Variants in TMEM108 observed in about 807,000 individuals in gnomAD.
TMEM108 encodes the protein transmembrane protein 108, also known as cancer/testis antigen 124.
A neutral mutation model predicts 35.1 loss-of-function variants in TMEM108; 12 were observed. The observed-to-expected ratio is 0.34, with a 90% confidence interval of 0.22 to 0.55. The LOEUF (loss-of-function observed/expected upper bound fraction) is 0.55, where lower values mean the gene tolerates loss of function less well. Among genes scored for constraint, TMEM108 ranks in the 20% least tolerant of loss-of-function variants. The pLI, the probability that TMEM108 is intolerant of heterozygous loss-of-function variation, is 0.89. For synonymous variants in TMEM108, 287 were observed against 308.6 expected (o/e 0.93, Z 0.73); for missense variants, 680 against 753.3 (o/e 0.90, Z 1.14).
chr3:133,264,483 C>T (rs1946669643), intron 3 of TMEM108, among the ~76,000 whole-genome samples: 1 of 152,184 alleles, frequency 6.6e-6, no homozygotes, highest in Non-Finnish European at 1.5e-5. Flanking sequence ...ATATTCTCAG[C>T]AAGAAGCCAA....
intron 2 of TMEM108, among the ~76,000 whole-genome samples, chr3:133,084,663 TC>T (rs1440245863): frequency 6.6e-6 from 1 of 152,188 alleles, no homozygotes; most frequent in African/African-American, 2.4e-5. Context: ...CAGGCACTGT[TC>T]CAAGCACTTC....
intron 2 of TMEM108, among the ~76,000 whole-genome samples, chr3:133,051,492 A>G (rs1002027028): frequency 6.6e-6 from 1 of 152,096 alleles, no homozygotes. Flanking sequence ...CTGATGTTTC[A>G]GAGAACAGAC....
intron 2 of TMEM108, among the ~76,000 whole-genome samples, chr3:133,170,021 A>G (rs1367122786): frequency 1.3e-5 from 2 of 152,204 alleles, no homozygotes; most frequent in African/African-American, 4.8e-5. Context: ...ATGTTAACAG[A>G]GAGATAAGGA....
At chr3:133,190,642 G>T (rs1304648434) in intron 2 of TMEM108, among the ~76,000 whole-genome samples, 1 of 152,162 alleles carries the variant, frequency 6.6e-6, no homozygotes, top group Non-Finnish European at 1.5e-5. Context: ...GAGCTGTGGA[G>T]AAATCACTTG....
chr3:133,216,132 G>C (rs1012835436), intron 2 of TMEM108, among the ~76,000 whole-genome samples: 5 of 151,936 alleles, frequency 3.3e-5, no homozygotes, highest in Non-Finnish European at 7.4e-5. Context: ...GTCATTTCAA[G>C]TCAATCTGCA....
chr3:133,227,110 G>A (rs1019271722), intron 2 of TMEM108, among the ~76,000 whole-genome samples: 1 of 151,870 alleles, frequency 6.6e-6, no homozygotes, highest in Non-Finnish European at 1.5e-5. Context: ...GATGAGATTT[G>A]GGTGGGGACA....
chr3:133,179,611 A>T (rs932998284), intron 2 of TMEM108, among the ~76,000 whole-genome samples: 5 of 151,864 alleles, frequency 3.3e-5, no homozygotes, highest in African/African-American at 1.2e-4. Context: ...AACAATGAGA[A>T]CACATGGACA....
intron 3 of TMEM108, among the ~76,000 whole-genome samples, chr3:133,331,264 TG>T (rs1181699546): frequency 2.0e-5 from 3 of 152,180 alleles, no homozygotes; most frequent in African/African-American, 7.2e-5. Context: ...GGTGGTTGAT[TG>T]GTTTGGAGAC....
Position 133,122,713 on chromosome 3 carries a change from A to G in TMEM108, c.-47+76693A>G, listed in dbSNP as rs552752118. Among the ~76,000 whole-genome samples, 3 of 152,102 alleles carry G rather than the reference A, an allele frequency of 2.0e-5. No homozygotes were observed. In the East Asian group the frequency reaches 5.8e-4, roughly 29 times the overall value. On this transcript the variant is annotated intron_variant, in intron 2 of 5. Coordinates refer to ENST00000321871, the MANE Select transcript of TMEM108 (RefSeq NM_023943.4). ...CCCGTCTCTACTAAAAATACAAAAA[A>G]TTAGCTCGGTGTGGTTGCAGGTGCC... is the stretch of plus-strand genomic sequence containing the variant.
chr3:133,216,722 C>T (rs1034895597), intron 2 of TMEM108, among the ~76,000 whole-genome samples: 2 of 151,904 alleles, frequency 1.3e-5, no homozygotes, highest in Non-Finnish European at 2.9e-5. Flanking sequence ...ATTTCACTTA[C>T]TATCTTCCAA....
At chr3:133,388,217 G>T in intron 4 of TMEM108, 1 of 985,472 alleles carries the variant, frequency 1.0e-6, no homozygotes, top group Non-Finnish European at 1.2e-6. Context: ...TCCTCCAGGT[G>T]TTTCACCATG....
chr3:133,247,514 C>T (rs1946403559), intron 3 of TMEM108: 1 of 152,074 alleles, frequency 6.6e-6, no homozygotes, highest in Non-Finnish European at 1.5e-5. Flanking sequence ...CTGAGCCTTC[C>T]CAGATGGGGA....
intron 3 of TMEM108, among the ~76,000 whole-genome samples, chr3:133,290,125 A>G (rs1017972844): frequency 1.6e-4 from 22 of 133,358 alleles, no homozygotes; most frequent in Non-Finnish European, 1.4e-4. Context: ...AGTGCTAAGA[A>G]GAGGGGGACA....
intron 2 of TMEM108, among the ~76,000 whole-genome samples, chr3:133,161,093 G>A (rs1576352769): frequency 6.6e-6 from 1 of 152,082 alleles, no homozygotes; most frequent in African/African-American, 2.4e-5. Context: ...ATTGAATAAA[G>A]CCCAAGCCTG....
chr3:133,073,011 T>C lies in TMEM108; in HGVS notation c.-47+26991T>C, dbSNP rs1301910115. Among the ~76,000 whole-genome samples the C allele has an allele frequency of 2.6e-5, 4 of 152,154 alleles. No homozygotes were observed. In the East Asian group the frequency reaches 7.7e-4, roughly 29 times the overall value. ...TTCATTCCTATTTATTTGTTTAAATTGACAGATGGAAATTGTATATATTAT... is the reference window on the plus strand; with the variant it reads ...TTCATTCCTATTTATTTGTTTAAATCGACAGATGGAAATTGTATATATTAT... On this transcript the variant is annotated intron_variant, in intron 2 of 5. Coordinates refer to ENST00000321871, the MANE Select transcript of TMEM108 (RefSeq NM_023943.4).
At chr3:133,365,959 G>C (rs560693013) in intron 3 of TMEM108, among the ~76,000 whole-genome samples, 1 of 136,066 alleles carries the variant, frequency 7.3e-6, no homozygotes, top group South Asian at 2.4e-4. Context: ...GCTGAGAATA[G>C]AAAGAGGGAG....
chr3:133,311,223 G>T (rs1050298282), intron 3 of TMEM108, among the ~76,000 whole-genome samples: 1 of 152,152 alleles, frequency 6.6e-6, no homozygotes, highest in Non-Finnish European at 1.5e-5. Context: ...GAGTATCTTT[G>T]TGGTGTTTTC....
At chr3:133,388,554 C>T (rs1576544812) in intron 4 of TMEM108, 3 of 985,416 alleles carry the variant, frequency 3.0e-6, no homozygotes, top group Non-Finnish European at 3.6e-6. Context: ...TCTCAAATCC[C>T]CGTTAGCCCT....
intron 2 of TMEM108, among the ~76,000 whole-genome samples, chr3:133,055,741 A>G (rs1245800390): frequency 6.6e-6 from 1 of 152,218 alleles, no homozygotes; most frequent in Non-Finnish European, 1.5e-5. Context: ...CATGTCCTCA[A>G]ACATGACCCA....
Sources: allele counts gnomAD v4.1 joint callset (sites outside exome capture counted in the v4.1 genomes callset), GRCh38; gene constraint gnomAD v4.1.1; transcripts MANE v1.5; gene names NCBI Gene and HGNC (gene_info 2026-07-23, HGNC 2026-07-21).